The following GPC3 variants were observed in gnomAD, a reference collection of about 807,000 sequenced individuals.
The protein encoded by GPC3 is glypican-3.
In GPC3, 3 loss-of-function variants were observed where a neutral mutation model predicts 34.4. The observed-to-expected ratio is 0.09, with a 90% confidence interval of 0.04 to 0.23. The LOEUF is 0.23. GPC3 is among the 10% of genes least tolerant of loss of function. GPC3 has a pLI of 1.00. For synonymous variants in GPC3, 177 were observed against 174.0 expected (o/e 1.02, Z -0.13); for missense variants, 351 against 445.6 (o/e 0.79, Z 1.91).
chrX:133,684,804 C>T (rs144308540), intron 5 of GPC3, among the ~76,000 whole-genome samples: 1,498 of 110,680 alleles, frequency 0.014, 24 homozygotes, highest in African/African-American at 0.045. Flanking sequence ...GTACCACTGG[C>T]CTGTTCTGAC....
intron 2 of GPC3, among the ~76,000 whole-genome samples, chrX:133,868,068 A>C (rs1172959363): frequency 3.6e-5 from 4 of 111,292 alleles, no homozygotes; most frequent in African/African-American, 1.3e-4. Context: ...GCTAGGCAAA[A>C]GCTTGGGATA....
At chrX:133,655,954 T>C (rs2070659394) in intron 6 of GPC3, among the ~76,000 whole-genome samples, 1 of 112,431 alleles carries the variant, frequency 8.9e-6, no homozygotes, top group South Asian at 3.7e-4. Context: ...CTGCCAGGCA[T>C]CTTAAAAATA....
intron 3 of GPC3, among the ~76,000 whole-genome samples, chrX:133,739,555 T>A (rs2071544643): frequency 9.0e-6 from 1 of 111,265 alleles, no homozygotes. Context: ...GAATAGAAAT[T>A]CACAGTCTGG....
intron 2 of GPC3, among the ~76,000 whole-genome samples, chrX:133,828,091 T>C (rs2124541448): frequency 9.0e-6 from 1 of 111,133 alleles, no homozygotes; most frequent in South Asian, 3.8e-4. Flanking sequence ...CAAAAATATA[T>C]AGTTAAAAAT....
chrX:133,605,397 T>C (rs116777679), intron 6 of GPC3, among the ~76,000 whole-genome samples: 5,445 of 111,806 alleles, frequency 0.049, 355 homozygotes, highest in African/African-American at 0.17. Context: ...TCACCTTTCA[T>C]ATAGTTCCAT....
chrX:133,804,319 T>C (rs1229369402), intron 2 of GPC3, among the ~76,000 whole-genome samples: 1 of 110,832 alleles, frequency 9.0e-6, no homozygotes. Context: ...GAGGCGGGGA[T>C]CGAGCCCCAT....
intron 3 of GPC3, among the ~76,000 whole-genome samples, chrX:133,707,208 G>A: frequency 9.0e-6 from 1 of 110,957 alleles, no homozygotes; most frequent in East Asian, 2.8e-4. Context: ...ACTACAAGAG[G>A]GCAGAAGGAG....
At chrX:133,785,836 T>C (rs2072095236) in intron 2 of GPC3, among the ~76,000 whole-genome samples, 1 of 112,117 alleles carries the variant, frequency 8.9e-6, no homozygotes, top group Non-Finnish European at 1.9e-5. Flanking sequence ...TCTCAGGAAA[T>C]TAAAGTTCAA....
chrX:133,792,748 G>A (rs2072178652), intron 2 of GPC3, among the ~76,000 whole-genome samples: 1 of 111,785 alleles, frequency 8.9e-6, no homozygotes, highest in Non-Finnish European at 1.9e-5. Flanking sequence ...CTGATGTGAG[G>A]AGCTGCAGAC....
intron 5 of GPC3, among the ~76,000 whole-genome samples, chrX:133,673,187 C>G (rs1270601591): frequency 8.9e-6 from 1 of 112,268 alleles, no homozygotes; most frequent in South Asian, 3.7e-4. Context: ...ATCCACCTGC[C>G]TCGGCCTCCC....
At chrX:133,570,262 C>T (rs1163699106) in intron 7 of GPC3, among the ~76,000 whole-genome samples, 3 of 110,632 alleles carry the variant, frequency 2.7e-5, no homozygotes, top group Non-Finnish European at 5.7e-5. Context: ...AGTGCAATGG[C>T]GTGATCTCGG....
intron 2 of GPC3, among the ~76,000 whole-genome samples, chrX:133,823,631 G>A (rs866391397): frequency 1.3e-4 from 15 of 111,356 alleles, no homozygotes; most frequent in African/African-American, 4.6e-4. Context: ...ATAAAAGGGG[G>A]ATGGAAAGGG....
At chrX:133,797,478 C>A (rs1030107676) in intron 2 of GPC3, among the ~76,000 whole-genome samples, 1 of 110,930 alleles carries the variant, frequency 9.0e-6, no homozygotes, top group Non-Finnish European at 1.9e-5. Context: ...ACCAGCTCTA[C>A]CCCCCTGAGA....
At chrX:133,886,252 T>C (rs970284322) in intron 2 of GPC3, among the ~76,000 whole-genome samples, 1 of 108,416 alleles carries the variant, frequency 9.2e-6, no homozygotes, top group Non-Finnish European at 1.9e-5. Context: ...CTCACACTTG[T>C]AATCCCAGCA....
chrX:133,802,914 C>CT (rs751359373), intron 2 of GPC3, among the ~76,000 whole-genome samples: 8,046 of 68,427 alleles, frequency 0.12, 594 homozygotes, highest in East Asian at 0.21. Context: ...GGAAGGTATT[C>CT]TTTTTTTTTT....
chrX:133,914,981 A>G (rs1324655583), intron 2 of GPC3, among the ~76,000 whole-genome samples: 3 of 92,295 alleles, frequency 3.3e-5, no homozygotes, highest in East Asian at 6.7e-4. Flanking sequence ...ATATATATAT[A>G]AAGTTTTATA....
intron 2 of GPC3, among the ~76,000 whole-genome samples, chrX:133,861,004 AG>A (rs1177528537): frequency 9.0e-6 from 1 of 111,041 alleles, no homozygotes; most frequent in Non-Finnish European, 1.9e-5. Flanking sequence ...TGGGAGGCTG[AG>A]GTGAAAGGAT....
At chrX:133,751,183 T>C (rs904274740) in intron 3 of GPC3, among the ~76,000 whole-genome samples, 2 of 111,083 alleles carry the variant, frequency 1.8e-5, no homozygotes, top group Admixed American at 9.6e-5. Flanking sequence ...AAATGACCAA[T>C]ATCAGAGGCA....
intron 5 of GPC3, among the ~76,000 whole-genome samples, chrX:133,687,383 G>GT (rs1189478107): frequency 0.15 from 7,537 of 50,190 alleles, 2,447 homozygotes; most frequent in Non-Finnish European, 0.24. Context: ...AATTATCAGA[G>GT]TTTTTTTTTT....
Sources: allele counts gnomAD v4.1 joint callset (sites outside exome capture counted in the v4.1 genomes callset), GRCh38; gene constraint gnomAD v4.1.1; transcripts MANE v1.5; gene names NCBI Gene and HGNC (gene_info 2026-07-23, HGNC 2026-07-21).